Variants in DENND4A observed in about 807,000 individuals in gnomAD.
DENND4A encodes the protein C-myc promoter-binding protein.
A neutral mutation model predicts 199.3 loss-of-function variants in DENND4A; 70 were observed. That is an observed-to-expected ratio of 0.35 (90% CI 0.29 to 0.43). The LOEUF is 0.43. Ranked by LOEUF, DENND4A falls within the 20% of genes least tolerant of loss-of-function variation. The probability of loss-of-function intolerance (pLI) is 1.00; values close to 1 mark genes in which losing one functional copy is unlikely to be tolerated. For missense variants in DENND4A, 1,723 were observed against 2,255.8 expected (o/e 0.76, Z 4.78); for synonymous variants, 686 against 766.9 (o/e 0.89, Z 1.74).
chr15:65,732,785 A>G lies in DENND4A; in HGVS notation c.1074T>C (p.Phe358=). The change falls in exon 8 of 33, where the codon TTT becomes TTC. Residue 358 remains phenylalanine (F), a synonymous_variant. Transcript: ENST00000443035. The stretch of plus-strand genomic sequence containing the variant: ...AAATCCGTGGTCTCTGAGGAGATGG[A>G]AAAGGAACTTTATGCATAAAATGAG... The part of the protein sequence containing the change: ...HISHFMHKVP[F]PSPQRPRILV... 1 of 1,605,740 alleles carries G rather than the reference A, an allele frequency of 6.2e-7. No homozygotes were observed. The highest frequency in any genetic ancestry group is 8.5e-7 in the Non-Finnish European group (1 of 1,173,672).
chr15:65,686,409 A>T (rs2076783092), intron 23 of DENND4A, among the ~76,000 whole-genome samples: 2 of 152,138 alleles, frequency 1.3e-5, no homozygotes, highest in South Asian at 4.1e-4. Flanking sequence ...GTCTTGACCA[A>T]TTTTTGTTAC....
At chr15:65,732,701 A>C in intron 8 of DENND4A, 51 bp downstream of exon 8, 1 of 1,050,556 alleles carries the variant, frequency 9.5e-7, no homozygotes, top group South Asian at 1.4e-5. Context: ...ACATTTTGAC[A>C]GAGCCAATAA....
Position 65,727,667 on chromosome 15 carries a change from T to C in DENND4A, c.1487+1405A>G, listed in dbSNP as rs554569309. On this transcript the variant is annotated intron_variant, in intron 11 of 32. Transcript: ENST00000443035. ...CCTACTTCACATTTACATATTTAAG[T>C]GTAAAAGCTGTACCAGCTTTTGGGC... is the stretch of plus-strand genomic sequence containing the variant. 2.0e-5 allele frequency among the ~76,000 whole-genome samples: 3 copies of C among 152,238 alleles called. No homozygotes were observed. In the East Asian group the frequency reaches 5.8e-4, roughly 29 times the overall value.
chr15:65,718,750 GT>G (rs1295522050), intron 12 of DENND4A, among the ~76,000 whole-genome samples: 2 of 43,728 alleles, frequency 4.6e-5, no homozygotes, highest in Admixed American at 2.3e-4. Context: ...AGTTTTGCAT[GT>G]TTTTTTTCCT....
At chr15:65,779,658 G>A (rs111405195) in intron 1 of DENND4A, among the ~76,000 whole-genome samples, 8,955 of 151,040 alleles carry the variant, frequency 0.059, 371 homozygotes, top group Non-Finnish European at 0.081. Flanking sequence ...GGTGTTTTTC[G>A]TTTGTTTTCG....
chr15:65,732,947 T>C, intron 7 of DENND4A, 129 bp from the exon 8 acceptor site: 1 of 514,950 alleles, frequency 1.9e-6, no homozygotes, highest in Non-Finnish European at 3.5e-6. Flanking sequence ...CCTAATACTA[T>C]GAAAACAAGT....
chr15:65,718,486 T>C (rs1232660765), intron 12 of DENND4A, among the ~76,000 whole-genome samples: 11 of 152,162 alleles, frequency 7.2e-5, no homozygotes, highest in Admixed American at 6.6e-5. Context: ...AGTATTGGCA[T>C]TGTTCAGAAA....
At chr15:65,755,082 G>A (rs1214077504) in intron 3 of DENND4A, among the ~76,000 whole-genome samples, 1 of 152,162 alleles carries the variant, frequency 6.6e-6, no homozygotes, top group African/African-American at 2.4e-5. Context: ...ATGGAATAAA[G>A]TACCGACACA....
At chr15:65,755,067 A>G (rs977552730) in intron 3 of DENND4A, among the ~76,000 whole-genome samples, 1 of 152,264 alleles carries the variant, frequency 6.6e-6, no homozygotes, top group African/African-American at 2.4e-5. Context: ...TTATTCAGTC[A>G]TAAAATGGAA....
intron 7 of DENND4A, among the ~76,000 whole-genome samples, chr15:65,734,623 T>C (rs2076060511): frequency 6.6e-6 from 1 of 152,094 alleles, no homozygotes; most frequent in African/African-American, 2.4e-5. Flanking sequence ...ACCCCTTCAA[T>C]TAAAGTACTC....
At chr15:65,696,684 A>C in intron 21 of DENND4A, 187 bp from the exon 22 acceptor site, 1 of 443,302 alleles carries the variant, frequency 2.3e-6, no homozygotes, top group Non-Finnish European at 4.1e-6. Flanking sequence ...CAAAGTGTAG[A>C]TCAAACTACT....
intron 1 of DENND4A, among the ~76,000 whole-genome samples, chr15:65,775,178 T>C (rs1247191748): frequency 1.3e-5 from 2 of 151,598 alleles, no homozygotes; most frequent in African/African-American, 4.8e-5. Flanking sequence ...ACCCCATCTC[T>C]ACAAAAAAAT....
intron 1 of DENND4A, among the ~76,000 whole-genome samples, chr15:65,772,910 T>C (rs1372280316): frequency 6.9e-6 from 1 of 145,628 alleles, no homozygotes; most frequent in Non-Finnish European, 1.5e-5. Context: ...CACCCAAAAG[T>C]GGACCCTCAC....
In DENND4A at chr15:65,756,378, G is replaced by C. The variant is rs2076700960; in HGVS notation, c.73C>G (p.Leu25Val). The change falls in exon 3 of 33, where the codon CTA (leucine) becomes GTA (valine). Residue 25 changes from leucine (L) to valine (V), a missense_variant. Transcript: ENST00000443035. ...TCATTGAAGTGAATTTCTTCTTCTAGAGGCTTTGAAACATCAGTTAATCCT... is the reference window on the plus strand; with the variant it reads ...TCATTGAAGTGAATTTCTTCTTCTACAGGCTTTGAAACATCAGTTAATCCT... ...VAGLTDVSKP[L>V]EEEIHFNDAC... 3 of 1,613,800 alleles carry C rather than the reference G, an allele frequency of 1.9e-6. No individual in the cohort carries two copies. The highest frequency in any genetic ancestry group is 2.2e-5 in the South Asian group (2 of 91,086).
intron 23 of DENND4A, among the ~76,000 whole-genome samples, chr15:65,681,546 A>C (rs1003181354): frequency 2.6e-5 from 4 of 151,744 alleles, no homozygotes; most frequent in Non-Finnish European, 5.9e-5. Flanking sequence ...TTTTTTCATC[A>C]TTCAACTTGA....
intron 17 of DENND4A, 37 bp from the exon 18 acceptor site, chr15:65,701,927 T>C: frequency 6.2e-7 from 1 of 1,611,942 alleles, no homozygotes; most frequent in South Asian, 1.1e-5. Context: ...GAAACACAGA[T>C]GTCACCATGT....
chr15:65,738,891 TA>T lies in DENND4A; in HGVS notation c.632-17del. On this transcript the variant is annotated splice_polypyrimidine_tract_variant and intron_variant, in intron 5 of 32. Transcript: ENST00000443035. The stretch of plus-strand genomic sequence containing the variant: ...CAAATTAGGCCTATAAAAACAACAA[TA>T]AATATTAGGTCATCATCTCTTGAAT... 1 of 1,532,720 alleles carries T rather than the reference TA, an allele frequency of 6.5e-7. No homozygotes were observed. The highest frequency in any genetic ancestry group is 8.8e-7 in the Non-Finnish European group (1 of 1,134,706). 94.9% of individuals were successfully genotyped at this position (1,532,720 alleles called of 1,614,324 possible).
intron 4 of DENND4A, among the ~76,000 whole-genome samples, chr15:65,743,586 C>T (rs1012061505): frequency 3.3e-5 from 5 of 152,194 alleles, no homozygotes; most frequent in African/African-American, 7.2e-5. Context: ...TTCTAACATA[C>T]TATACTTTAA....
In DENND4A at chr15:65,664,732, A is replaced by G; in HGVS notation, c.5360-10T>C. On this transcript the variant is annotated splice_polypyrimidine_tract_variant and intron_variant, in intron 30 of 32. Coordinates refer to ENST00000443035, the MANE Select transcript of DENND4A (RefSeq NM_001320835.1). The stretch of plus-strand genomic sequence containing the variant: ...ATTGGATATTTTTGGGCTGTAAACG[A>G]ACAAAAGAACAGATGAAGGAAAATG... 6.2e-7 allele frequency: 1 copy of G among 1,603,486 alleles called. No individual in the cohort carries two copies. Among genetic ancestry groups the G allele is most frequent in the Non-Finnish European group, 8.5e-7 (1 of 1,175,088 alleles).
Sources: allele counts gnomAD v4.1 joint callset (sites outside exome capture counted in the v4.1 genomes callset), GRCh38; gene constraint gnomAD v4.1.1; transcripts MANE v1.5; gene names NCBI Gene and HGNC (gene_info 2026-07-23, HGNC 2026-07-21).